Variants in CCDC78 observed in about 807,000 individuals in gnomAD.
CCDC78 encodes the protein coiled-coil domain containing 78.
Under a neutral mutation model 61.9 loss-of-function variants are expected in CCDC78, and 78 were observed. The observed-to-expected ratio is 1.26, with a 90% CI of 1.05 to 1.52. The LOEUF is 1.52. CCDC78 is among the 40% of genes most tolerant of loss of function. The pLI is 0.00. For missense variants in CCDC78, 737 were observed against 615.5 expected, an observed-to-expected ratio of 1.20 and a Z score of -2.09; for synonymous variants, 287 against 251.9, an observed-to-expected ratio of 1.14 and a Z score of -1.32.
At position 724,427 on chromosome 16, in the gene CCDC78, G is replaced by C. The variant is rs1156615925; in HGVS notation, c.848C>G (p.Ala283Gly). 1 of 1,608,012 alleles carries C rather than the reference G, an allele frequency of 6.2e-7. No homozygotes were observed. The highest frequency in any genetic ancestry group is 1.3e-5 in the African/African-American group (1 of 74,930). Residue 283 changes from alanine (A) to glycine (G), a missense_variant, in exon 9 of 14, where the codon GCA becomes GGA. By Grantham distance (60) the Ala-to-Gly change is moderately conservative (BLOSUM62 0). Coordinates refer to ENST00000345165, the MANE Select transcript of CCDC78 (RefSeq NM_001378030.1). Reference protein sequence around the residue: ...FLEATLEDIRAAHRSREQQLA... With the variant: ...FLEATLEDIRGAHRSREQQLA... ...CTGCTGCTCACGGCTGCGGTGCGCTGCCCGGATGTCCTCCAGAGTCGCCTC... is the reference window on the plus strand; with the variant it reads ...CTGCTGCTCACGGCTGCGGTGCGCTCCCCGGATGTCCTCCAGAGTCGCCTC...
At chr16:723,742 TGACCA>T in intron 11 of CCDC78, 110 bp downstream of exon 11, 1 of 936,302 alleles carries the variant, frequency 1.1e-6, no homozygotes, top group Admixed American at 2.0e-5. Context: ...TGCATTGCTG[TGACCA>T]GACCCTGTCT....
In CCDC78 at chr16:723,847, G is replaced by C; in HGVS notation, c.1133+10C>G. The stretch of plus-strand genomic sequence containing the variant: ...CCACAGGCCTCCCCCACACCCATGA[G>C]GGCACTCACTGTGGCTCTGATGTTC... On this transcript the variant is annotated intron_variant, in intron 11 of 13. Transcript: ENST00000345165. The C allele has an allele frequency of 1.9e-6, 3 of 1,575,386 alleles. No individual in the cohort carries two copies. Among genetic ancestry groups the C allele is most frequent in the Non-Finnish European group, 2.6e-6 (3 of 1,160,624 alleles).
rs747558848 is a variant in CCDC78 at position 724,309 on chromosome 16, C to T, written c.953+13G>A. The T allele has an allele frequency of 6.2e-7, 1 of 1,607,994 alleles. No homozygotes were observed. The highest frequency in any genetic ancestry group is 2.2e-5 in the East Asian group (1 of 44,722). On this transcript the variant is annotated intron_variant, in intron 9 of 13. Transcript: ENST00000345165. ...CACAGATGCCTGACACCTCCCATCC[C>T]AGCGGGGCCCACCTGTAGGCAACCA...
At chr16:724,641 T>G in intron 8 of CCDC78, 40 bp downstream of exon 8, 1 of 1,597,506 alleles carries the variant, frequency 6.3e-7, no homozygotes, top group South Asian at 1.1e-5. Flanking sequence ...CAGGCCAGGC[T>G]TGGGCTCCCT....
Position 725,478 on chromosome 16 carries a change from C to G in CCDC78, c.370G>C (p.Ala124Pro). 1 of 1,612,734 alleles carries G rather than the reference C, an allele frequency of 6.2e-7. No homozygotes were observed. Among genetic ancestry groups the G allele is most frequent in the Non-Finnish European group, 8.5e-7 (1 of 1,179,982 alleles). ...PVESDPRHPR[A>P]AAQELRHKAQ... is the part of the protein sequence containing the mutation. ...TTGTGTCTGAGCTCTTGGGCTGCTGCCCGGGGATGCCTGGGGTCAGACTCC... is the reference window on the plus strand; with the variant it reads ...TTGTGTCTGAGCTCTTGGGCTGCTGGCCGGGGATGCCTGGGGTCAGACTCC... Residue 124 changes from alanine to proline, a missense_variant, in exon 4 of 14, where the codon GCA becomes CCA. Physicochemically the swap from Ala to Pro is conservative, Grantham distance 27. Coordinates refer to ENST00000345165, the MANE Select transcript of CCDC78 (RefSeq NM_001378030.1).
intron 4 of CCDC78, 35 bp from the exon 5 acceptor site, chr16:725,328 T>G (rs1596629164): frequency 6.2e-7 from 1 of 1,610,570 alleles, no homozygotes; most frequent in Non-Finnish European, 8.5e-7. Flanking sequence ...AGCTAAGGGG[T>G]GGGTGAGCCC....
rs781368980 is a variant in CCDC78, at chr16:725,588, A to G, written c.268-8T>C. 2 of 1,605,318 alleles carry G rather than the reference A, an allele frequency of 1.2e-6. No homozygotes were observed. The highest frequency in any genetic ancestry group is 2.2e-5 in the South Asian group (2 of 90,712). On this transcript the variant is annotated splice_region_variant and splice_polypyrimidine_tract_variant and intron_variant, in intron 3 of 13. Transcript: ENST00000345165. ...GCTCTCCAGCCGAAGGATCTGTGGG[A>G]CAACTGGCATGAGCAGGTGCACCTG... is the stretch of plus-strand genomic sequence containing the variant.
rs55652059 is a variant in CCDC78 at position 722,848 on chromosome 16, C to T, written c.1302-59G>A. Reference sequence around the variant, plus strand: ...CAGCTGTGGACAGGTCTGCTTTTAGCGCCTGAGGCAGCCATCATCCTTCAT... The same window carrying T: ...CAGCTGTGGACAGGTCTGCTTTTAGTGCCTGAGGCAGCCATCATCCTTCAT... On this transcript the variant is annotated intron_variant, in intron 13 of 13. Transcript: ENST00000345165. 7,936 of 1,607,472 alleles carry T rather than the reference C, an allele frequency of 4.9e-3. 327 individuals carry two copies. The African/African-American group carries it at 0.093, about 19-fold the overall frequency.
rs756260681 is a variant in CCDC78 at position 725,787 on chromosome 16, T to G, written c.267+7A>C. 1 of 1,602,702 alleles carries G rather than the reference T, an allele frequency of 6.2e-7. No homozygotes were observed. Among genetic ancestry groups the G allele is most frequent in the East Asian group, 2.2e-5 (1 of 44,640 alleles). ...ATGCACTGAGGCTGGTTCACACGGC[T>G]GCTCACCTCACTCTTCAGCTGGAAG... On this transcript the variant is annotated splice_region_variant and intron_variant, in intron 3 of 13. Transcript: ENST00000345165.
intron 11 of CCDC78, 58 bp from the exon 12 acceptor site, chr16:723,219 C>A (rs2040400773): frequency 2.5e-6 from 4 of 1,568,914 alleles, no homozygotes; most frequent in Non-Finnish European, 3.5e-6. Context: ...GACACAGGGA[C>A]AGACGTGACC....
chr16:722,590 A>C lies in CCDC78; in HGVS notation c.*88T>G, dbSNP rs772908784. 5 of 1,418,400 alleles carry C rather than the reference A, an allele frequency of 3.5e-6. No individual in the cohort carries two copies. The African/African-American group carries it at 4.7e-5, about 13-fold the overall frequency. 87.9% of individuals were successfully genotyped at this position (1,418,400 alleles called of 1,614,324 possible). ...ACACGATAAAGACTCTGTGGGTTCT[A>C]TCCTGACTCATGTTTTATGGGGGGC... On this transcript the variant is annotated 3_prime_UTR_variant, in exon 14 of 14. Coordinates refer to ENST00000345165, the MANE Select transcript of CCDC78 (RefSeq NM_001378030.1).
In CCDC78 at chr16:725,947, G is replaced by A. The variant is rs12446058; in HGVS notation, c.180+19C>T. On this transcript the variant is annotated intron_variant, in intron 2 of 13. Coordinates refer to ENST00000345165, the MANE Select transcript of CCDC78 (RefSeq NM_001378030.1). Reference sequence around the variant, plus strand: ...TGGCACCCTCCCTCCTCACGAGCACGCTGGGGCCCCACACCCACCTGCAGC... The same window carrying A: ...TGGCACCCTCCCTCCTCACGAGCACACTGGGGCCCCACACCCACCTGCAGC... 2.3e-5 allele frequency: 36 copies of A among 1,564,338 alleles called. No homozygotes were observed. The highest frequency in any genetic ancestry group is 1.2e-4 in the South Asian group (10 of 86,226).
chr16:723,516 G>A (rs1426632075), intron 11 of CCDC78: 4 of 673,050 alleles, frequency 5.9e-6, no homozygotes, highest in Non-Finnish European at 1.1e-5. Context: ...CTGGGAACAT[G>A]GAGGCCCAGA....
chr16:724,196 C>T lies in CCDC78; in HGVS notation c.963G>A (p.Gly321=), dbSNP rs1044791563. 1.3e-6 allele frequency: 2 copies of T among 1,595,998 alleles called. No homozygotes were observed. Among genetic ancestry groups the T allele is most frequent in the Admixed American group, 1.7e-5 (1 of 58,158 alleles). The change falls in exon 10 of 14, where the codon GGG becomes GGA. Residue 321 remains glycine, a synonymous_variant. Transcript: ENST00000345165. Reference sequence around the variant, plus strand: ...CTATGTCAAAAATAGCTTGGGGGTTCCCAGGTGCCCTGTCAGGGTAGGCTA... The same window carrying T: ...CTATGTCAAAAATAGCTTGGGGGTTTCCAGGTGCCCTGTCAGGGTAGGCTA... The part of the protein sequence containing the change: ...EELLVAYRAP[G]NPQAIFDIAS...
chr16:722,610 G>T lies in CCDC78; in HGVS notation c.*68C>A. 2 of 1,589,472 alleles carry T rather than the reference G, an allele frequency of 1.3e-6. No individual in the cohort carries two copies. The highest frequency in any genetic ancestry group is 1.1e-5 in the South Asian group (1 of 90,316). ...GTTCTATCCTGACTCATGTTTTATG[G>T]GGGGCTGGGTGGGAGGGTTCTGTGC... On this transcript the variant is annotated 3_prime_UTR_variant, in exon 14 of 14. Coordinates refer to ENST00000345165, the MANE Select transcript of CCDC78 (RefSeq NM_001378030.1).
chr16:726,600 G>GC, upstream of CCDC78: 2 of 593,508 alleles, frequency 3.4e-6, no homozygotes, highest in Non-Finnish European at 3.0e-6. Context: ...GCGGCCCAGC[G>GC]CCCCCTGCAC....
At position 725,451 on chromosome 16, in the gene CCDC78, C is replaced by G; in HGVS notation, c.397G>C (p.Ala133Pro). Reference protein sequence around the residue: ...RAAAQELRHKAQVPGHSDDHR... With the variant: ...RAAAQELRHKPQVPGHSDDHR... ...TCATCAGAGTGTCCAGGCACCTGGGCTTTGTGTCTGAGCTCTTGGGCTGCT... is the reference window on the plus strand; with the variant it reads ...TCATCAGAGTGTCCAGGCACCTGGGGTTTGTGTCTGAGCTCTTGGGCTGCT... Residue 133 changes from alanine to proline, a missense_variant, in exon 4 of 14, where the codon GCC (alanine) becomes CCC (proline). Transcript: ENST00000345165. 1 of 1,612,794 alleles carries G rather than the reference C, an allele frequency of 6.2e-7. No individual in the cohort carries two copies. Among genetic ancestry groups the G allele is most frequent in the African/African-American group, 1.3e-5 (1 of 75,064 alleles).
At chr16:723,964 C>T in intron 10 of CCDC78, 28 bp from the exon 11 acceptor site, 1 of 1,601,856 alleles carries the variant, frequency 6.2e-7, no homozygotes, top group Non-Finnish European at 8.5e-7. Flanking sequence ...GGGGACGTTT[C>T]AGTTGGCTGA....
At position 725,160 on chromosome 16, in the gene CCDC78, GGGCT is replaced by G. The variant is rs767616510; in HGVS notation, c.493-19_493-16del. The G allele has an allele frequency of 6.2e-7, 1 of 1,612,526 alleles. No individual in the cohort carries two copies. Among genetic ancestry groups the G allele is most frequent in the Non-Finnish European group, 8.5e-7 (1 of 1,180,012 alleles). ...TCCCCCTGCAGCTGTGGGGCACACA[GGGCT>G]GGCTGGATGAGACCCTAGGCTTGGG... On this transcript the variant is annotated splice_polypyrimidine_tract_variant and intron_variant, in intron 5 of 13. Transcript: ENST00000345165.
Sources: gnomAD v4.1 joint callset for allele counts on GRCh38, gnomAD v4.1.1 for gene constraint, MANE v1.5 for transcripts, NCBI Gene and HGNC (gene_info 2026-07-23, HGNC 2026-07-21) for gene names.